Variants in TOGARAM2 observed in about 807,000 individuals in gnomAD.
The protein encoded by TOGARAM2 is TOG array regulator of axonemal microtubules protein 2.
TOGARAM2 carries 85 observed loss-of-function variants against 93.3 expected under a neutral mutation model. That is an observed-to-expected ratio of 0.91 (90% CI 0.76 to 1.09). The LOEUF is 1.09. Among genes scored for constraint, TOGARAM2 ranks in the 50% least tolerant of loss-of-function variants. The pLI is 0.00. For synonymous variants in TOGARAM2, 593 were observed against 552.8 expected (o/e 1.07, Z -1.02); for missense variants, 1,277 against 1,334.5 (o/e 0.96, Z 0.67).
In TOGARAM2 at chr2:29,026,848, T is replaced by G. The variant is rs1223390910; in HGVS notation, c.1854-5T>G. The G allele has an allele frequency of 1.3e-6, 2 of 1,580,500 alleles. No individual in the cohort carries two copies. The highest frequency in any genetic ancestry group is 2.7e-5 in the African/African-American group (2 of 74,018). On this transcript the variant is annotated splice_polypyrimidine_tract_variant and splice_region_variant and intron_variant, in intron 13 of 19. Transcript: ENST00000379558. ...ACTGACCCCTGGGCCATGATTTCCT[T>G]TCAGCCACCGGAACCCCTTGATCCG... is the stretch of plus-strand genomic sequence containing the variant.
chr2:29,006,092 T>G (rs868100266), intron 6 of TOGARAM2, among the ~76,000 whole-genome samples: 1,830 of 70,278 alleles, frequency 0.026, 46 homozygotes, highest in African/African-American at 0.054. Context: ...TGTGTGTGTG[T>G]GGGGTGCATG....
Position 29,022,346 on chromosome 2 carries a change from G to A in TOGARAM2, c.1511+38G>A, listed in dbSNP as rs537860726. ...TTCCACCACGTGCTGTGTTCTGGCC[G>A]GAAGCAGGGGCTGTTGCAGAATAGC... On this transcript the variant is annotated intron_variant, in intron 11 of 19. Transcript: ENST00000379558. 67 of 1,607,798 alleles carry A rather than the reference G, an allele frequency of 4.2e-5. No individual in the cohort carries two copies. The South Asian group carries it at 5.6e-4, about 14-fold the overall frequency.
At chr2:28,983,646 G>A (rs905381880) in intron 1 of TOGARAM2, among the ~76,000 whole-genome samples, 2 of 152,110 alleles carry the variant, frequency 1.3e-5, no homozygotes, top group African/African-American at 4.8e-5. Context: ...GATCACCTGT[G>A]CAAGACTTTC....
At chr2:29,001,227 C>T (rs6547903) in intron 4 of TOGARAM2, among the ~76,000 whole-genome samples, 56,047 of 151,814 alleles carry the variant, frequency 0.37, 12,864 homozygotes, top group Non-Finnish European at 0.52. Flanking sequence ...CAGCTCCCCA[C>T]AGGCTAACCA....
chr2:29,013,719 G>A (rs1431276208), intron 7 of TOGARAM2, among the ~76,000 whole-genome samples: 1 of 152,252 alleles, frequency 6.6e-6, no homozygotes, highest in Non-Finnish European at 1.5e-5. Context: ...TGCGATGGCA[G>A]CTAGCAGCTG....
At chr2:29,011,687 G>A (rs115082370) in intron 7 of TOGARAM2, among the ~76,000 whole-genome samples, 186 bp downstream of exon 7, 149 of 152,308 alleles carry the variant, frequency 9.8e-4, no homozygotes, top group African/African-American at 3.4e-3. Context: ...CGGGCGAGGT[G>A]TGGAAGAGAA....
Position 29,002,088 on chromosome 2 carries a change from C to G in TOGARAM2, c.428-448C>G, listed in dbSNP as rs137907919. Among the ~76,000 whole-genome samples the G allele has an allele frequency of 4.1e-3, 617 of 152,258 alleles. 2 individuals are homozygous for G. Among genetic ancestry groups the G allele is most frequent in the Non-Finnish European group, 5.4e-3 (364 of 68,010 alleles). On this transcript the variant is annotated intron_variant, in intron 4 of 19. Coordinates refer to ENST00000379558, the MANE Select transcript of TOGARAM2 (RefSeq NM_199280.4). ...TTAGCTGTGTCAAAACAGCTACGCCCCACATCACCAGCCGAAAAGGAAGGG... is the reference window on the plus strand; with the variant it reads ...TTAGCTGTGTCAAAACAGCTACGCCGCACATCACCAGCCGAAAAGGAAGGG...
intron 1 of TOGARAM2, among the ~76,000 whole-genome samples, chr2:28,969,980 T>G (rs1671921842): frequency 6.6e-6 from 1 of 151,592 alleles, no homozygotes; most frequent in Non-Finnish European, 1.5e-5. Context: ...GCCCGGCTAA[T>G]TTTTGTATTT....
chr2:29,009,384 C>A (rs1460979331), intron 6 of TOGARAM2, among the ~76,000 whole-genome samples: 1 of 152,132 alleles, frequency 6.6e-6, no homozygotes, highest in East Asian at 1.9e-4. Flanking sequence ...GTGGCATCTG[C>A]TGTGACTTAG....
At chr2:29,005,425 A>G (rs1213059511) in intron 6 of TOGARAM2, among the ~76,000 whole-genome samples, 2 of 104,166 alleles carry the variant, frequency 1.9e-5, no homozygotes, top group Admixed American at 2.0e-4. Flanking sequence ...GTGTGAGAGC[A>G]TGCATGTGCG....
At chr2:28,979,120 GA>G (rs111493711), upstream of TOGARAM2, among the ~76,000 whole-genome samples, 1,302 of 152,246 alleles carry the variant, frequency 8.6e-3, 20 homozygotes, top group African/African-American at 0.03. Flanking sequence ...TCCCCACCTG[GA>G]GTGCCCCAAT....
chr2:28,974,223 G>C (rs960548169), intron 1 of TOGARAM2, among the ~76,000 whole-genome samples: 2 of 150,498 alleles, frequency 1.3e-5, no homozygotes, highest in Admixed American at 6.6e-5. Flanking sequence ...TGCCTCCTGG[G>C]TTCAAGTGAT....
intron 19 of TOGARAM2, 68 bp from the exon 20 acceptor site, chr2:29,051,688 C>T: frequency 7.4e-7 from 1 of 1,353,436 alleles, no homozygotes; most frequent in Non-Finnish European, 9.8e-7. Flanking sequence ...AAGTTGGTGT[C>T]CCAAGAGAGG....
At chr2:29,006,114 CAT>C (rs1169313202) in intron 6 of TOGARAM2, among the ~76,000 whole-genome samples, 3 of 49,178 alleles carry the variant, frequency 6.1e-5, no homozygotes, top group Non-Finnish European at 9.4e-5. Flanking sequence ...GTGTGGAGTG[CAT>C]ATGTGTGTGC....
upstream of TOGARAM2, among the ~76,000 whole-genome samples, chr2:28,977,051 C>T (rs1672049139): frequency 2.0e-5 from 3 of 152,314 alleles, 1 homozygote; most frequent in Admixed American, 2.0e-4. Context: ...TGGGGGGCTT[C>T]CAGCCTTTCT....
rs1667112407 is a variant in TOGARAM2, at chr2:29,052,159, T to C, written c.*66T>C. ...TTTGATGGACTATTCTCCTGGTTACTTTCCCCCTTAGAGTTCCAGATGTAC... is the reference window on the plus strand; with the variant it reads ...TTTGATGGACTATTCTCCTGGTTACCTTCCCCCTTAGAGTTCCAGATGTAC... On this transcript the variant is annotated 3_prime_UTR_variant, in exon 20 of 20. Transcript: ENST00000379558. The C allele has an allele frequency of 7.6e-7, 1 of 1,313,546 alleles. No individual in the cohort carries two copies. The highest frequency in any genetic ancestry group is 1.0e-6 in the Non-Finnish European group (1 of 981,964). The allele number at this position is 1,313,546 out of a possible 1,614,324, so 81.4% of individuals were successfully genotyped here. A position where few individuals can be genotyped will look rare whatever the true frequency, so the allele number is the denominator to read the frequency against.
intron 18 of TOGARAM2, among the ~76,000 whole-genome samples, chr2:29,040,374 C>T (rs1338005994): frequency 6.6e-6 from 1 of 152,222 alleles, no homozygotes; most frequent in Non-Finnish European, 1.5e-5. Flanking sequence ...AAAAATCCCT[C>T]ACTCATAGTC....
chr2:28,963,176 CTTG>C (rs1423569233), intron 1 of TOGARAM2, among the ~76,000 whole-genome samples: 1 of 151,996 alleles, frequency 6.6e-6, no homozygotes, highest in African/African-American at 2.4e-5. Flanking sequence ...TTTTCCTCCT[CTTG>C]TTTTTCTCCT....
At chr2:29,005,384 G>GTGT (rs1673664983) in intron 6 of TOGARAM2, among the ~76,000 whole-genome samples, 1 of 140,952 alleles carries the variant, frequency 7.1e-6, no homozygotes, top group Non-Finnish European at 1.5e-5. Context: ...GCATGTATGT[G>GTGT]GGTGCATGTA....
Sources: gnomAD v4.1 joint callset for allele counts (sites outside exome capture counted in the v4.1 genomes callset) on GRCh38, gnomAD v4.1.1 for gene constraint, MANE v1.5 for transcripts, NCBI Gene and HGNC (gene_info 2026-07-23, HGNC 2026-07-21) for gene names.